The following DYRK1A variants were observed in gnomAD, a reference collection of about 807,000 sequenced individuals.
DYRK1A encodes the protein dual specificity tyrosine-phosphorylation-regulated kinase 1A.
Under a neutral mutation model 79.7 loss-of-function variants are expected in DYRK1A, and 9 were observed. The ratio of observed to expected loss-of-function variants is 0.11; its 90% CI spans 0.07 to 0.20. The LOEUF (loss-of-function observed/expected upper bound fraction) is 0.20. Ranked by LOEUF, DYRK1A falls within the 10% of genes least tolerant of loss-of-function variation. The pLI is 1.00. For missense variants in DYRK1A, 622 were observed against 956.0 expected (o/e 0.65, Z 4.61); for synonymous variants, 349 against 329.7 (o/e 1.06, Z -0.63).
At chr21:37,499,727 T>C (rs2053383464) in intron 9 of DYRK1A, among the ~76,000 whole-genome samples, 1 of 152,230 alleles carries the variant, frequency 6.6e-6, no homozygotes, top group African/African-American at 2.4e-5. Context: ...ATTTTTGGTA[T>C]ACAGAAATAC....
intron 1 of DYRK1A, among the ~76,000 whole-genome samples, chr21:37,390,655 G>T (rs564136603): frequency 6.6e-6 from 1 of 152,100 alleles, no homozygotes; most frequent in African/African-American, 2.4e-5. Context: ...TGCAACCTCC[G>T]CTTCCCGTGT....
intron 1 of DYRK1A, among the ~76,000 whole-genome samples, chr21:37,378,312 C>T (rs1272055499): frequency 6.6e-6 from 1 of 152,194 alleles, no homozygotes; most frequent in African/African-American, 2.4e-5. Flanking sequence ...GTGGGCTGAT[C>T]ACCTGAGGTT....
chr21:37,427,715 AG>A (rs757302311), intron 2 of DYRK1A, among the ~76,000 whole-genome samples: 12 of 152,206 alleles, frequency 7.9e-5, no homozygotes, highest in Non-Finnish European at 1.8e-4. Flanking sequence ...ACCTTTTTAA[AG>A]TACAGTTTAT....
chr21:37,399,172 G>A (rs1174440946), intron 1 of DYRK1A, among the ~76,000 whole-genome samples: 3 of 152,178 alleles, frequency 2.0e-5, no homozygotes, highest in Non-Finnish European at 2.9e-5. Flanking sequence ...CCCTTTAGTG[G>A]AAAGAGCATG....
At chr21:37,501,128 A>G (rs2053430631) in intron 9 of DYRK1A, among the ~76,000 whole-genome samples, 1 of 140,654 alleles carries the variant, frequency 7.1e-6, no homozygotes, top group Non-Finnish European at 1.5e-5. Flanking sequence ...CTTTAGCTGC[A>G]TTCTGCAGCT....
intron 2 of DYRK1A, among the ~76,000 whole-genome samples, chr21:37,431,293 A>G (rs1343536513): frequency 6.6e-6 from 1 of 152,194 alleles, no homozygotes; most frequent in Non-Finnish European, 1.5e-5. Context: ...GTTTTCAGTC[A>G]CACTTGAATT....
intron 10 of DYRK1A, 41 bp downstream of exon 10, chr21:37,505,630 G>A (rs2053573217): frequency 6.6e-7 from 1 of 1,522,350 alleles, no homozygotes; most frequent in Non-Finnish European, 8.8e-7. Flanking sequence ...GGAATGTTTT[G>A]TGTTTTCTTT....
At chr21:37,491,755 G>C (rs1601276503) in intron 7 of DYRK1A, among the ~76,000 whole-genome samples, 1 of 152,250 alleles carries the variant, frequency 6.6e-6, no homozygotes, top group East Asian at 1.9e-4. Flanking sequence ...ACAGTAATTT[G>C]AATAGATTAT....
At chr21:37,411,048 TTA>T (rs2050233308) in intron 1 of DYRK1A, among the ~76,000 whole-genome samples, 3 of 52,168 alleles carry the variant, frequency 5.8e-5, no homozygotes, top group Admixed American at 2.1e-4. Flanking sequence ...GATTCTGTCT[TTA>T]AAAAAAAAAA....
At chr21:37,484,534 G>C (rs991704437) in intron 5 of DYRK1A, among the ~76,000 whole-genome samples, 2 of 152,002 alleles carry the variant, frequency 1.3e-5, no homozygotes, top group Non-Finnish European at 2.9e-5. Flanking sequence ...TCACCACGTT[G>C]GTCAGGCTGG....
intron 8 of DYRK1A, among the ~76,000 whole-genome samples, chr21:37,495,506 C>T (rs2053241409): frequency 6.6e-6 from 1 of 152,108 alleles, no homozygotes; most frequent in Non-Finnish European, 1.5e-5. Flanking sequence ...GAAAAATATG[C>T]CTGTAGTCCC....
At chr21:37,434,021 G>C (rs959792810) in intron 2 of DYRK1A, among the ~76,000 whole-genome samples, 1 of 152,084 alleles carries the variant, frequency 6.6e-6, no homozygotes, top group Admixed American at 6.6e-5. Context: ...ACTTTAACGG[G>C]TTCCAGAATT....
intron 5 of DYRK1A, among the ~76,000 whole-genome samples, chr21:37,482,309 C>T (rs762869970): frequency 2.8e-4 from 43 of 152,138 alleles, no homozygotes; most frequent in African/African-American, 7.5e-4. Context: ...CCCTAAGCGT[C>T]GGCCGGTTTG....
At chr21:37,402,691 A>G (rs2050074849) in intron 1 of DYRK1A, among the ~76,000 whole-genome samples, 1 of 151,964 alleles carries the variant, frequency 6.6e-6, no homozygotes, top group Admixed American at 6.6e-5. Context: ...ACAGGTCACT[A>G]AGGGTCTGTT....
chr21:37,506,845 G>A (rs1418077443), intron 11 of DYRK1A, among the ~76,000 whole-genome samples: 1 of 152,180 alleles, frequency 6.6e-6, no homozygotes, highest in African/African-American at 2.4e-5. Context: ...AGAGGCCAGT[G>A]TAGTATTTGA....
chr21:37,509,887 G>A (rs1422241392), intron 11 of DYRK1A, among the ~76,000 whole-genome samples: 1 of 152,186 alleles, frequency 6.6e-6, no homozygotes, highest in African/African-American at 2.4e-5. Context: ...AATTTCAGAA[G>A]CAATTCGTAA....
chr21:37,426,742 C>T (rs1442166662), intron 2 of DYRK1A, among the ~76,000 whole-genome samples: 1 of 136,542 alleles, frequency 7.3e-6, no homozygotes, highest in African/African-American at 2.7e-5. Context: ...AACCCCGTCT[C>T]TACTAAAAAT....
intron 6 of DYRK1A, 47 bp from the exon 7 acceptor site, chr21:37,490,126 TCA>T (rs757918740): frequency 1.6e-5 from 25 of 1,530,042 alleles, no homozygotes; most frequent in African/African-American, 8.3e-5. Context: ...TTTGTTACTC[TCA>T]GTTTATTGGT....
At chr21:37,366,251 GCCCCTCCTCCTC>G (rs1297189809), upstream of DYRK1A, 1 of 148,898 alleles carries the variant, frequency 6.7e-6, no homozygotes, top group Non-Finnish European at 1.5e-5. Context: ...AGGCCGCGGC[GCCCCTCCTCCTC>G]CCCCTCCCCC....
Sources: gnomAD v4.1 joint callset for allele counts (sites outside exome capture counted in the v4.1 genomes callset) on GRCh38, gnomAD v4.1.1 for gene constraint, MANE v1.5 for transcripts, NCBI Gene and HGNC (gene_info 2026-07-23, HGNC 2026-07-21) for gene names.